C16orf96: variants seen among roughly 807,000 people sequenced by gnomAD.
The protein encoded by C16orf96 is chromosome 16 open reading frame 96.
A neutral mutation model predicts 103.6 loss-of-function variants in C16orf96; 108 were observed. The ratio of observed to expected loss-of-function variants is 1.04; its 90% CI spans 0.89 to 1.22. The LOEUF (loss-of-function observed/expected upper bound fraction) is 1.22. C16orf96 is among the 50% of genes most tolerant of loss of function. C16orf96 has a pLI of 0.00. For missense variants in C16orf96, 1,586 were observed against 1,464.2 expected, an observed-to-expected ratio of 1.08 and a Z score of -1.36; for synonymous variants, 566 against 593.5, an observed-to-expected ratio of 0.95 and a Z score of 0.67.
In C16orf96 at chr16:4,575,322, G is replaced by A. The variant is rs1348459751; in HGVS notation, c.842G>A (p.Trp281Ter). 6 of 1,551,142 alleles carry A rather than the reference G, an allele frequency of 3.9e-6. No individual in the cohort carries two copies. Among genetic ancestry groups the A allele is most frequent in the East Asian group, 2.4e-5 (1 of 40,928 alleles). ...VQNPQLLQTV[W>*]HYEVPELLPE... Reference sequence around the variant, plus strand: ...AACCCCCAGCTACTGCAGACTGTCTGGCATTATGAGGTCCCAGAGCTCCTC... The same window carrying A: ...AACCCCCAGCTACTGCAGACTGTCTAGCATTATGAGGTCCCAGAGCTCCTC... The change falls in exon 5 of 16, where the codon TGG becomes TAG. Residue 281 changes from tryptophan (W) to a stop codon, truncating the protein, a stop_gained. Coordinates refer to ENST00000444310, the MANE Select transcript of C16orf96 (RefSeq NM_001145011.2). LOFTEE classifies it high-confidence loss of function.
chr16:4,545,945 G>A, the C16orf96 span, among the ~76,000 whole-genome samples: 5 of 151,948 alleles, frequency 3.3e-5, no homozygotes, highest in Non-Finnish European at 7.4e-5. Flanking sequence ...CGCCTCCCAG[G>A]TTCAAGCGAT....
At chr16:4,598,433 G>T (rs1897218779) in intron 14 of C16orf96, among the ~76,000 whole-genome samples, 1 of 152,130 alleles carries the variant, frequency 6.6e-6, no homozygotes, top group Non-Finnish European at 1.5e-5. Flanking sequence ...ATTTCCAGGG[G>T]CTGGGGTTTG....
upstream of C16orf96, among the ~76,000 whole-genome samples, chr16:4,555,788 C>T (rs2059257738): frequency 6.6e-6 from 1 of 151,594 alleles, no homozygotes; most frequent in Non-Finnish European, 1.5e-5. Flanking sequence ...CCTCAAACTC[C>T]TGGCTTCAAG....
At chr16:4,567,634 G>C (rs959629107) in intron 1 of C16orf96, among the ~76,000 whole-genome samples, 3 of 143,802 alleles carry the variant, frequency 2.1e-5, no homozygotes, top group Non-Finnish European at 4.6e-5. Context: ...TTGTCATTTA[G>C]TAGAATGTTT....
At chr16:4,568,853 C>G in intron 1 of C16orf96, among the ~76,000 whole-genome samples, 1 of 151,904 alleles carries the variant, frequency 6.6e-6, no homozygotes, top group Non-Finnish European at 1.5e-5. Flanking sequence ...TGGTTTCGAA[C>G]TCCTGGGCTC....
intron 5 of C16orf96, among the ~76,000 whole-genome samples, chr16:4,577,525 C>T (rs182214675): frequency 3.3e-5 from 5 of 152,174 alleles, no homozygotes; most frequent in Non-Finnish European, 5.9e-5. Flanking sequence ...GTGGCGGGCG[C>T]CTGTAGTCCC....
rs189402118 is a variant in C16orf96, at chr16:4,573,503, A to G, written c.526-1206A>G. Among the ~76,000 whole-genome samples, 1,143 of 148,626 alleles carry G rather than the reference A, an allele frequency of 7.7e-3. 14 individuals are homozygous for G. Among genetic ancestry groups the G allele is most frequent in the African/African-American group, 0.025 (1,012 of 40,536 alleles). The stretch of plus-strand genomic sequence containing the variant: ...CATGGTGGTTCACGCCTGTAATCTC[A>G]GCATTTTGGGAGGCTGAGGTGGGCA... On this transcript the variant is annotated intron_variant, in intron 2 of 15. Coordinates refer to ENST00000444310, the MANE Select transcript of C16orf96 (RefSeq NM_001145011.2).
intron 13 of C16orf96, 47 bp from the exon 14 acceptor site, chr16:4,594,657 A>C: frequency 6.5e-7 from 1 of 1,547,126 alleles, no homozygotes; most frequent in South Asian, 1.2e-5. Context: ...GTTCGGGGGC[A>C]GATCGGGTCG....
chr16:4,590,514 G>A (rs1365933120), intron 9 of C16orf96, among the ~76,000 whole-genome samples: 4 of 151,282 alleles, frequency 2.6e-5, no homozygotes, highest in African/African-American at 4.9e-5. Flanking sequence ...AGCCAAGATC[G>A]CACCATTGCA....
chr16:4,584,991 C>G (rs1026729931), intron 7 of C16orf96, among the ~76,000 whole-genome samples: 1 of 151,888 alleles, frequency 6.6e-6, no homozygotes, highest in Admixed American at 6.6e-5. Context: ...GATTATAAAA[C>G]ATGAATATAG....
chr16:4,573,303 G>A (rs753029135), intron 2 of C16orf96, among the ~76,000 whole-genome samples: 4 of 151,934 alleles, frequency 2.6e-5, no homozygotes, highest in Non-Finnish European at 5.9e-5. Flanking sequence ...GCTGGGTGTG[G>A]TTGCAGGCAC....
chr16:4,591,164 GCAA>G (rs1897050597), intron 9 of C16orf96, among the ~76,000 whole-genome samples: 1 of 152,208 alleles, frequency 6.6e-6, no homozygotes, highest in South Asian at 2.1e-4. Context: ...TCCAGCCTGG[GCAA>G]CAGAGCGAGA....
intron 7 of C16orf96, among the ~76,000 whole-genome samples, chr16:4,582,770 C>T (rs560487361): frequency 1.4e-4 from 22 of 152,272 alleles, no homozygotes; most frequent in Non-Finnish European, 2.9e-4. Flanking sequence ...CCCAGCACTA[C>T]GCCAGACCCT....
At chr16:4,551,210 G>A in the C16orf96 span, among the ~76,000 whole-genome samples, 2 of 152,194 alleles carry the variant, frequency 1.3e-5, no homozygotes, top group South Asian at 2.1e-4. Context: ...GTTTGAGGCT[G>A]CGTGAGCTGC....
intron 1 of C16orf96, chr16:4,562,891 C>G: frequency 7.1e-7 from 1 of 1,409,316 alleles, no homozygotes; most frequent in Non-Finnish European, 1.0e-6. Flanking sequence ...AAAGAAATAC[C>G]TTTTCTTCCT....
At chr16:4,563,066 CCTGT>C (rs1265291520) in intron 1 of C16orf96, 1 of 846,478 alleles carries the variant, frequency 1.2e-6, no homozygotes, top group Non-Finnish European at 2.0e-6. Flanking sequence ...CCAAGTTTCG[CCTGT>C]CTTTTGCTTC....
chr16:4,556,377 C>G lies in C16orf96; in HGVS notation c.-113C>G, dbSNP rs1004394011. On this transcript the variant is annotated 5_prime_UTR_variant, in exon 1 of 16. Transcript: ENST00000444310. Reference sequence around the variant, plus strand: ...ATTCCTCCCTGACTGCTGTGACTCACCACCACCCCAGGCCTCTGAGGACCA... The same window carrying G: ...ATTCCTCCCTGACTGCTGTGACTCAGCACCACCCCAGGCCTCTGAGGACCA... 5.3e-6 allele frequency: 6 copies of G among 1,136,122 alleles called. No homozygotes were observed. The highest frequency in any genetic ancestry group is 5.8e-5 in the Admixed American group (2 of 34,724). 70.4% of individuals were successfully genotyped at this position (1,136,122 alleles called of 1,614,324 possible).
chr16:4,579,866 C>A (rs1180553048), intron 6 of C16orf96, 149 bp from the exon 7 acceptor site: 3 of 610,108 alleles, frequency 4.9e-6, no homozygotes, highest in Non-Finnish European at 8.6e-6. Context: ...CCATCTTGGC[C>A]TCCCAAAGTG....
rs1345052333 is a variant in C16orf96, at chr16:4,600,390, C to T, written c.*73C>T. The T allele has an allele frequency of 8.9e-7, 1 of 1,128,522 alleles. No individual in the cohort carries two copies. The highest frequency in any genetic ancestry group is 2.6e-5 in the East Asian group (1 of 38,892). 69.9% of individuals were successfully genotyped at this position (1,128,522 alleles called of 1,614,324 possible). ...GGCTGAGGCCCATGTGGCCCTCCCA[C>T]TCCCACCAAGTCCCCTCCACATCGG... On this transcript the variant is annotated 3_prime_UTR_variant, in exon 16 of 16. Transcript: ENST00000444310.
Sources: gnomAD v4.1 joint callset for allele counts (sites outside exome capture counted in the v4.1 genomes callset) on GRCh38, gnomAD v4.1.1 for gene constraint, MANE v1.5 for transcripts, NCBI Gene and HGNC (gene_info 2026-07-23, HGNC 2026-07-21) for gene names.